Variants in DCK observed in about 807,000 individuals in gnomAD.
DCK encodes deoxycytidine kinase, also known as deoxyadenosine kinase.
A neutral mutation model predicts 38.3 loss-of-function variants in DCK; 23 were observed. The observed-to-expected ratio is 0.60, with a 90% CI of 0.43 to 0.85. The LOEUF (loss-of-function observed/expected upper bound fraction) is 0.85, where lower values mean the gene tolerates loss of function less well. Among genes scored for constraint, DCK ranks in the 40% least tolerant of loss-of-function variants. The pLI is 0.00. For missense variants in DCK, 259 were observed against 304.4 expected (o/e 0.85, Z 1.11); for synonymous variants, 108 against 100.6 (o/e 1.07, Z -0.44).
rs535237022 is a variant in DCK at position 71,014,326 on chromosome 4, T to G, written c.208-8041T>G. Among the ~76,000 whole-genome samples the G allele has an allele frequency of 8.0e-4, 122 of 152,290 alleles. 2 individuals are homozygous for G. The highest frequency in any genetic ancestry group is 2.8e-3 in the African/African-American group (117 of 41,564). On this transcript the variant is annotated intron_variant, in intron 2 of 6. Coordinates refer to ENST00000286648, the MANE Select transcript of DCK (RefSeq NM_000788.3). ...CTCCCACACAATAATAATGGGAGAC[T>G]TTAACACCCCACTGTCGACATTAGA...
Position 71,025,825 on chromosome 4 carries a change from C to T in DCK, c.559C>T (p.His187Tyr). The change falls in exon 5 of 7, where the codon CAT becomes TAT. Residue 187 changes from histidine (H) to tyrosine (Y), a missense_variant. Around this residue, in one of 3 missense-constraint regions of DCK, gnomAD observed 82 missense variants for 103.8 expected, o/e 0.79. Coordinates refer to ENST00000286648, the MANE Select transcript of DCK (RefSeq NM_000788.3). The part of the protein sequence containing the change: ...YLQATPETCL[H>Y]RIYLRGRNEE... ...TATTACTTGCTTTTAGACATGCTTA[C>T]ATAGAATATATTTACGGGGAAGAAA... 6.2e-7 allele frequency: 1 copy of T among 1,607,470 alleles called. No homozygotes were observed. Among genetic ancestry groups the T allele is most frequent in the Non-Finnish European group, 8.5e-7 (1 of 1,177,440 alleles).
At chr4:71,019,865 CA>C (rs1740366669) in intron 2 of DCK, among the ~76,000 whole-genome samples, 1 of 152,118 alleles carries the variant, frequency 6.6e-6, no homozygotes, top group Non-Finnish European at 1.5e-5. Flanking sequence ...CAGCTCACGG[CA>C]ACTTCTGCCT....
chr4:71,028,449 C>T (rs1199949905), intron 6 of DCK, among the ~76,000 whole-genome samples: 1 of 152,074 alleles, frequency 6.6e-6, no homozygotes, highest in East Asian at 1.9e-4. Context: ...CAAAAACTAG[C>T]CAGACATGAT....
Position 71,022,278 on chromosome 4 carries a change from T to C in DCK, c.208-89T>C, listed in dbSNP as rs1740443409. The C allele has an allele frequency of 7.2e-6, 5 of 689,852 alleles. No individual in the cohort carries two copies. The Admixed American group carries it at 9.0e-5, about 12-fold the overall frequency. 42.7% of individuals were successfully genotyped at this position (689,852 alleles called of 1,614,324 possible). ...TGCTGATCATGATTACATTTATTTATCTGACTTTTATTTTTTAGCCTTAAA... is the reference window on the plus strand; with the variant it reads ...TGCTGATCATGATTACATTTATTTACCTGACTTTTATTTTTTAGCCTTAAA... On this transcript the variant is annotated intron_variant, in intron 2 of 6. Coordinates refer to ENST00000286648, the MANE Select transcript of DCK (RefSeq NM_000788.3).
intron 2 of DCK, among the ~76,000 whole-genome samples, chr4:71,002,724 CT>C (rs1290300480): frequency 6.6e-6 from 1 of 151,938 alleles, no homozygotes; most frequent in African/African-American, 2.4e-5. Context: ...TGCCCTTTGT[CT>C]TTTTTTCATG....
Position 71,007,531 on chromosome 4 carries a change from T to G in DCK, c.207+9349T>G, listed in dbSNP as rs1284152912. 2.0e-5 allele frequency among the ~76,000 whole-genome samples: 3 copies of G among 152,236 alleles called. No homozygotes were observed. The East Asian group carries it at 5.8e-4, about 29-fold the overall frequency. On this transcript the variant is annotated intron_variant, in intron 2 of 6. Transcript: ENST00000286648. ...ATTTTCCTGCTTCCTAAAAATTGTTTGAGCATACATGAACATACCTCTAAG... is the reference window on the plus strand; with the variant it reads ...ATTTTCCTGCTTCCTAAAAATTGTTGGAGCATACATGAACATACCTCTAAG...
At chr4:71,013,588 G>T (rs903120669) in intron 2 of DCK, among the ~76,000 whole-genome samples, 2 of 152,186 alleles carry the variant, frequency 1.3e-5, no homozygotes, top group East Asian at 3.8e-4. Flanking sequence ...AGCCAGGAGA[G>T]AGTGGGGGCC....
At chr4:71,010,673 TA>T (rs1740066897) in intron 2 of DCK, among the ~76,000 whole-genome samples, 1 of 147,638 alleles carries the variant, frequency 6.8e-6, no homozygotes, top group Non-Finnish European at 1.5e-5. Context: ...AAGTTATATA[TA>T]ATATAAAAAT....
intron 2 of DCK, among the ~76,000 whole-genome samples, chr4:70,999,742 T>C (rs1739749596): frequency 6.6e-6 from 1 of 152,266 alleles, no homozygotes; most frequent in Non-Finnish European, 1.5e-5. Flanking sequence ...TATCTCATTG[T>C]GGGTTTGGTT....
At position 71,030,379 on chromosome 4, in the gene DCK, T is replaced by C. The variant is rs559444629; in HGVS notation, c.*1001T>C. On this transcript the variant is annotated 3_prime_UTR_variant, in exon 7 of 7. Transcript: ENST00000286648. ...TTTCCATTTTACGTTTTAGAAAATTTTATGTATTTTAAAATAAGGGGAAGA... is the reference window on the plus strand; with the variant it reads ...TTTCCATTTTACGTTTTAGAAAATTCTATGTATTTTAAAATAAGGGGAAGA... The C allele has an allele frequency of 1.4e-4, 21 of 152,168 alleles. 1 individual carries two copies. The highest frequency in any genetic ancestry group is 4.8e-4 in the African/African-American group (20 of 41,458). The allele number at this position is 152,168 out of a possible 1,614,324, so 9.4% of individuals were successfully genotyped here. A position where few individuals can be genotyped will look rare whatever the true frequency, so the allele number is the denominator to read the frequency against.
intron 2 of DCK, among the ~76,000 whole-genome samples, chr4:71,000,453 A>G (rs6446989): frequency 0.81 from 123,675 of 152,164 alleles, 53,621 homozygotes; most frequent in East Asian, 0.95. Flanking sequence ...GTCAGGTAGC[A>G]TGAGGCCTCA....
At position 71,025,571 on chromosome 4, in the gene DCK, A is replaced by G. The variant is rs1740527217; in HGVS notation, c.550-245A>G. On this transcript the variant is annotated intron_variant, in intron 4 of 6. Transcript: ENST00000286648. ...TTCTCCTTTTTATCAAACTTAGTAT[A>G]TTTCATGTGTGGATGGATACCAAAA... Among the ~76,000 whole-genome samples, 2 of 152,028 alleles carry G rather than the reference A, an allele frequency of 1.3e-5. 1 individual carries two copies. The highest frequency in any genetic ancestry group is 4.1e-4 in the South Asian group (2 of 4,830).
At chr4:71,025,424 T>A (rs1039986670) in intron 4 of DCK, among the ~76,000 whole-genome samples, 1 of 152,108 alleles carries the variant, frequency 6.6e-6, no homozygotes, top group Admixed American at 6.5e-5. Context: ...AGTGGTTTTA[T>A]GTGAACTGAA....
intron 6 of DCK, among the ~76,000 whole-genome samples, chr4:71,028,431 AAAAC>A (rs1182890546): frequency 1.3e-5 from 2 of 152,072 alleles, no homozygotes; most frequent in South Asian, 2.1e-4. Context: ...ATCTCTATAA[AAAAC>A]AAACAAAAAC....
chr4:71,021,100 G>A (rs1326808074), intron 2 of DCK, among the ~76,000 whole-genome samples: 2 of 126,782 alleles, frequency 1.6e-5, no homozygotes, highest in African/African-American at 3.0e-5. Flanking sequence ...ACGGAGTCTC[G>A]CTCTGTCGCC....
intron 1 of DCK, among the ~76,000 whole-genome samples, chr4:70,996,539 C>G (rs1454165378): frequency 6.6e-6 from 1 of 152,124 alleles, no homozygotes; most frequent in Non-Finnish European, 1.5e-5. Context: ...TTTTCGTCTC[C>G]CTGACACTGA....
chr4:71,028,681 C>G, intron 6 of DCK: 1 of 444,920 alleles, frequency 2.2e-6, no homozygotes, highest in Non-Finnish European at 4.5e-6. Context: ...CTGCCATCTC[C>G]ACCTCCCAGG....
At chr4:71,011,558 A>G (rs998984783) in intron 2 of DCK, among the ~76,000 whole-genome samples, 11 of 152,172 alleles carry the variant, frequency 7.2e-5, no homozygotes, top group African/African-American at 1.4e-4. Context: ...GATTTTGCCA[A>G]TGTTGTCTGG....
At chr4:71,001,969 C>T (rs1022194385) in intron 2 of DCK, among the ~76,000 whole-genome samples, 2 of 152,102 alleles carry the variant, frequency 1.3e-5, no homozygotes, top group Non-Finnish European at 2.9e-5. Context: ...TCTCTATCTC[C>T]TTCAGTTCTG....
Sources: gnomAD v4.1 joint callset for allele counts (sites outside exome capture counted in the v4.1 genomes callset) on GRCh38, gnomAD v4.1.1 for gene constraint, gnomAD v4.1.1 regional missense constraint, MANE v1.5 for transcripts, NCBI Gene and HGNC (gene_info 2026-07-23, HGNC 2026-07-21) for gene names.